The following CYP4X1 variants were observed in gnomAD, a reference collection of about 807,000 sequenced individuals.
The protein encoded by CYP4X1 is cytochrome P450 family 4 subfamily X member 1.
Under a neutral mutation model 57.9 loss-of-function variants are expected in CYP4X1, and 44 were observed. That is an observed-to-expected ratio of 0.76 (90% CI 0.60 to 0.98). The LOEUF is 0.98. Ranked by LOEUF, CYP4X1 falls within the 50% of genes least tolerant of loss-of-function variation. CYP4X1 has a pLI of 0.00. For synonymous variants in CYP4X1, 227 were observed against 228.6 expected (o/e 0.99, Z 0.06); for missense variants, 532 against 623.9 (o/e 0.85, Z 1.57).
chr1:47,032,476 G>A (rs1644135234), intron 3 of CYP4X1, among the ~76,000 whole-genome samples: 2 of 152,140 alleles, frequency 1.3e-5, no homozygotes, highest in African/African-American at 4.8e-5. Flanking sequence ...AGCACTACAT[G>A]TAATGGCCAC....
At chr1:46,976,549 T>C in the CYP4X1 span, among the ~76,000 whole-genome samples, 11 of 152,124 alleles carry the variant, frequency 7.2e-5, no homozygotes, top group African/African-American at 1.9e-4. Flanking sequence ...TAGCAGAAAC[T>C]TCTGCAGACT....
intron 6 of CYP4X1, 116 bp from the exon 7 acceptor site, chr1:47,038,544 T>G: frequency 3.5e-6 from 2 of 571,512 alleles, no homozygotes; most frequent in East Asian, 6.4e-5. Flanking sequence ...AAATTAGATC[T>G]ATTTAAACGT....
upstream of CYP4X1, among the ~76,000 whole-genome samples, chr1:47,022,435 C>T (rs1644008696): frequency 6.6e-6 from 1 of 151,946 alleles, no homozygotes; most frequent in African/African-American, 2.4e-5. Flanking sequence ...GGATTACAGG[C>T]GCGCGCCACC....
chr1:47,043,789 A>C (rs1241984765), intron 8 of CYP4X1, among the ~76,000 whole-genome samples: 1 of 152,150 alleles, frequency 6.6e-6, no homozygotes, highest in Non-Finnish European at 1.5e-5. Flanking sequence ...TTGGGTACAT[A>C]TTTATTTACA....
chr1:47,026,212 A>G (rs1644062785), intron 1 of CYP4X1, among the ~76,000 whole-genome samples: 1 of 152,182 alleles, frequency 6.6e-6, no homozygotes, highest in African/African-American at 2.4e-5. Flanking sequence ...ATAACTGTAC[A>G]CTTTTAAATA....
chr1:47,015,056 C>A, the CYP4X1 span, among the ~76,000 whole-genome samples: 1 of 152,278 alleles, frequency 6.6e-6, no homozygotes, highest in Admixed American at 6.5e-5. Flanking sequence ...CCAGATAACC[C>A]ATATGGGTCT....
chr1:47,024,425 T>C (rs759274562), intron 1 of CYP4X1, among the ~76,000 whole-genome samples: 1 of 151,994 alleles, frequency 6.6e-6, no homozygotes, highest in Non-Finnish European at 1.5e-5. Flanking sequence ...CAAGAGAAAA[T>C]TTTCTTTTCC....
chr1:47,010,343 C>A, the CYP4X1 span, among the ~76,000 whole-genome samples: 1 of 152,214 alleles, frequency 6.6e-6, no homozygotes, highest in African/African-American at 2.4e-5. Flanking sequence ...CAGAAAAGGC[C>A]TTTGACAAAA....
chr1:47,042,111 CTT>C (rs1400976415), intron 8 of CYP4X1, among the ~76,000 whole-genome samples: 1 of 152,024 alleles, frequency 6.6e-6, no homozygotes, highest in Non-Finnish European at 1.5e-5. Context: ...TTTCTGGACT[CTT>C]TATCCTGTTT....
chr1:46,981,865 C>G, the CYP4X1 span, among the ~76,000 whole-genome samples: 1 of 152,054 alleles, frequency 6.6e-6, no homozygotes, highest in African/African-American at 2.4e-5. Context: ...CATCATTCTG[C>G]GCAAACTATC....
intron 9 of CYP4X1, 30 bp from the exon 10 acceptor site, chr1:47,048,535 G>T: frequency 6.2e-7 from 1 of 1,612,322 alleles, no homozygotes; most frequent in Non-Finnish European, 8.5e-7. Context: ...TCTTTCTCCT[G>T]CAGTCTCTTT....
At chr1:47,037,264 C>G (rs1285758317) in intron 6 of CYP4X1, among the ~76,000 whole-genome samples, 1 of 147,162 alleles carries the variant, frequency 6.8e-6, no homozygotes, top group Admixed American at 7.0e-5. Flanking sequence ...AAACTTAAAA[C>G]CTTTTCAATT....
the CYP4X1 span, among the ~76,000 whole-genome samples, chr1:47,012,678 G>A: frequency 6.6e-6 from 1 of 152,144 alleles, no homozygotes; most frequent in Non-Finnish European, 1.5e-5. Context: ...AGAGCCCACT[G>A]ATCCAGGGAC....
the CYP4X1 span, among the ~76,000 whole-genome samples, chr1:47,010,963 G>A: frequency 2.6e-5 from 4 of 152,138 alleles, no homozygotes; most frequent in African/African-American, 4.8e-5. Context: ...AATCAATATC[G>A]TGAAAATGGC....
At chr1:47,015,309 T>C in the CYP4X1 span, among the ~76,000 whole-genome samples, 2 of 152,186 alleles carry the variant, frequency 1.3e-5, no homozygotes, top group African/African-American at 2.4e-5. Context: ...CATGTGCTAG[T>C]GGCCTTTTGC....
chr1:47,041,814 T>C (rs932997146), intron 8 of CYP4X1, among the ~76,000 whole-genome samples: 2 of 152,160 alleles, frequency 1.3e-5, no homozygotes, highest in African/African-American at 4.8e-5. Flanking sequence ...TTTTCTTCTG[T>C]TGACTATACT....
the CYP4X1 span, among the ~76,000 whole-genome samples, chr1:47,003,492 T>C: frequency 6.6e-6 from 1 of 152,150 alleles, no homozygotes; most frequent in East Asian, 1.9e-4. Flanking sequence ...TAAGAGTAAT[T>C]TATTTTTAAA....
the CYP4X1 span, among the ~76,000 whole-genome samples, chr1:47,012,379 TG>T: frequency 9.2e-5 from 14 of 151,820 alleles, no homozygotes; most frequent in African/African-American, 3.1e-4. Flanking sequence ...GGACACAGGG[TG>T]GGGAACATCG....
the CYP4X1 span, among the ~76,000 whole-genome samples, chr1:46,987,351 G>A: frequency 6.6e-6 from 1 of 152,142 alleles, no homozygotes; most frequent in African/African-American, 2.4e-5. Context: ...AAATATATAT[G>A]CACCCAATAC....
Sources: allele counts gnomAD v4.1 joint callset (sites outside exome capture counted in the v4.1 genomes callset), GRCh38; gene constraint gnomAD v4.1.1; transcripts MANE v1.5; gene names NCBI Gene and HGNC (gene_info 2026-07-23, HGNC 2026-07-21).